DSCAM: variants seen among roughly 807,000 people sequenced by gnomAD.
DSCAM encodes the protein cell adhesion molecule DSCAM.
A neutral mutation model predicts 217.7 loss-of-function variants in DSCAM; 47 were observed. The ratio of observed to expected loss-of-function variants is 0.22; its 90% CI spans 0.17 to 0.28. The LOEUF (loss-of-function observed/expected upper bound fraction) is 0.28, where lower values mean the gene tolerates loss of function less well. Ranked by LOEUF, DSCAM falls within the 10% of genes least tolerant of loss-of-function variation. The pLI, the probability that DSCAM is intolerant of heterozygous loss-of-function variation, is 1.00. For synonymous variants in DSCAM, 1,056 were observed against 1,015.3 expected (o/e 1.04, Z -0.76); for missense variants, 2,080 against 2,618.3 (o/e 0.79, Z 4.49).
intron 29 of DSCAM, 121 bp from the exon 30 acceptor site, chr21:40,052,228 T>C (rs2088945065): frequency 9.3e-7 from 1 of 1,072,240 alleles, no homozygotes; most frequent in Non-Finnish European, 1.3e-6. Context: ...AATAGCCCCA[T>C]CTAAAGTGAC....
In DSCAM at chr21:40,011,039, A is replaced by G. The variant is rs900136358; in HGVS notation, c.*1995T>C. On this transcript the variant is annotated 3_prime_UTR_variant, in exon 33 of 33. Coordinates refer to ENST00000400454, the MANE Select transcript of DSCAM (RefSeq NM_001389.5). ...TTATTTTTGTACAGGTTGAGAGAAA[A>G]ATGTTAAAAAGGTAAACTTCTATGT... The G allele has an allele frequency of 1.3e-5, 2 of 152,304 alleles. No individual in the cohort carries two copies. Among genetic ancestry groups the G allele is most frequent in the Non-Finnish European group, 2.9e-5 (2 of 68,024 alleles). The allele number at this position is 152,304 out of a possible 1,614,324, so 9.4% of individuals were successfully genotyped here.
intron 32 of DSCAM, among the ~76,000 whole-genome samples, chr21:40,018,614 C>T (rs776741211): frequency 3.3e-5 from 5 of 152,146 alleles, no homozygotes; most frequent in Admixed American, 6.5e-5. Context: ...ATTGTGGTCC[C>T]GGCTGGACTG....
At position 40,085,694 on chromosome 21, in the gene DSCAM, C is replaced by T. The variant is rs775207017; in HGVS notation, c.4040G>A (p.Arg1347His). The T allele has an allele frequency of 1.8e-5, 29 of 1,590,082 alleles. No homozygotes were observed. The highest frequency in any genetic ancestry group is 4.0e-5 in the African/African-American group (3 of 74,648). The change falls in exon 23 of 33, where the codon CGC (arginine) becomes CAC (histidine). Residue 1347 changes from arginine to histidine, a missense_variant. Around this residue, in one of 5 missense-constraint regions of DSCAM, gnomAD observed 1,144 missense variants for 1,421.1 expected, o/e 0.81. Transcript: ENST00000400454. Reference sequence around the variant, plus strand: ...GCCGGAGTCTTCTGCTTTCACCGTGCGAATAATGAAGCTTCCGTTGCTAAA... The same window carrying T: ...GCCGGAGTCTTCTGCTTTCACCGTGTGAATAATGAAGCTTCCGTTGCTAAA... ...SIFSNGSFII[R>H]TVKAEDSGYY...
chr21:40,667,864 A>C (rs1009131649), intron 3 of DSCAM, among the ~76,000 whole-genome samples: 1 of 152,186 alleles, frequency 6.6e-6, no homozygotes, highest in African/African-American at 2.4e-5. Context: ...ACCCAGTCTC[A>C]GGCATTTCTT....
intron 28 of DSCAM, among the ~76,000 whole-genome samples, chr21:40,056,438 A>G (rs908634703): frequency 6.6e-6 from 1 of 150,870 alleles, no homozygotes; most frequent in African/African-American, 2.5e-5. Flanking sequence ...TAATCTCAAA[A>G]TTTGTGTATC....
At chr21:40,089,967 C>A (rs1408892888) in intron 21 of DSCAM, among the ~76,000 whole-genome samples, 3 of 152,202 alleles carry the variant, frequency 2.0e-5, no homozygotes, top group African/African-American at 7.2e-5. Flanking sequence ...GCTGGTCTTA[C>A]TGTTTCTTTA....
At chr21:40,156,493 G>A (rs910346529) in intron 16 of DSCAM, among the ~76,000 whole-genome samples, 2 of 152,106 alleles carry the variant, frequency 1.3e-5, no homozygotes, top group Non-Finnish European at 2.9e-5. Flanking sequence ...TTTTATAACT[G>A]GAAGGAATTC....
intron 14 of DSCAM, among the ~76,000 whole-genome samples, chr21:40,186,018 C>G (rs896524229): frequency 1.3e-5 from 2 of 152,230 alleles, no homozygotes; most frequent in Non-Finnish European, 2.9e-5. Flanking sequence ...GCCATTCCAT[C>G]TTTCCTCATG....
Position 40,038,982 on chromosome 21 carries a change from A to T in DSCAM, c.5686+3389T>A, listed in dbSNP as rs1384360274. Among the ~76,000 whole-genome samples, 7 of 135,046 alleles carry T rather than the reference A, an allele frequency of 5.2e-5. No homozygotes were observed. The Admixed American group carries it at 6.0e-4, about 12-fold the overall frequency. 88.6% of individuals were successfully genotyped at this position (135,046 alleles called of 152,430 possible). On this transcript the variant is annotated intron_variant, in intron 32 of 32. Transcript: ENST00000400454. ...AATTGAACAATGAGATCACATGGAC[A>T]CAGGAAGGGGAACATCACACTCTGG... is the stretch of plus-strand genomic sequence containing the variant.
chr21:40,754,379 A>C (rs1351165284), intron 1 of DSCAM, among the ~76,000 whole-genome samples: 1 of 152,196 alleles, frequency 6.6e-6, no homozygotes, highest in Non-Finnish European at 1.5e-5. Flanking sequence ...TTCAAGCAAA[A>C]GTAGTTTATG....
intron 1 of DSCAM, among the ~76,000 whole-genome samples, chr21:40,806,054 G>A (rs1011108839): frequency 2.6e-5 from 4 of 152,070 alleles, no homozygotes; most frequent in Admixed American, 2.0e-4. Context: ...TTTCCTGCTG[G>A]GGATTTACTG....
chr21:40,846,637 A>G lies in DSCAM; in HGVS notation c.25T>C (p.Phe9Leu), dbSNP rs778727832. The G allele has an allele frequency of 1.4e-4, 182 of 1,304,180 alleles. No individual in the cohort carries two copies. Among genetic ancestry groups the G allele is most frequent in the Non-Finnish European group, 1.7e-4 (178 of 1,018,138 alleles). The allele number at this position is 1,304,180 out of a possible 1,614,324, so 80.8% of individuals were successfully genotyped here. Residue 9 changes from phenylalanine (F) to leucine (L), a missense_variant, in exon 1 of 33, where the codon TTC becomes CTC. Physicochemically the swap from Phe to Leu is conservative, Grantham distance 22. Transcript: ENST00000400454. MWILALSLFQSFANVFSED... is the reference protein window; with the variant it reads MWILALSLLQSFANVFSED... ...GGCTCACCATTCGCGAAGCTCTGGAACAAGGAGAGAGCCAGTATCCACATG... is the reference window on the plus strand; with the variant it reads ...GGCTCACCATTCGCGAAGCTCTGGAGCAAGGAGAGAGCCAGTATCCACATG...
At chr21:40,178,569 G>T (rs2146800793) in intron 15 of DSCAM, among the ~76,000 whole-genome samples, 1 of 152,238 alleles carries the variant, frequency 6.6e-6, no homozygotes, top group East Asian at 1.9e-4. Flanking sequence ...ACTTCACAGG[G>T]TCTCAGGAAA....
chr21:40,694,274 T>C (rs1047165135), intron 2 of DSCAM, among the ~76,000 whole-genome samples: 1 of 152,224 alleles, frequency 6.6e-6, no homozygotes, highest in African/African-American at 2.4e-5. Flanking sequence ...TATGATTTTC[T>C]AAGATACCCA....
intron 20 of DSCAM, among the ~76,000 whole-genome samples, chr21:40,100,640 T>C (rs1452265816): frequency 6.6e-6 from 1 of 151,870 alleles, no homozygotes; most frequent in Non-Finnish European, 1.5e-5. Context: ...TGAATCTTTT[T>C]TTTTTTTTTT....
At chr21:40,402,049 C>CTTTTTTT (rs71186933) in intron 3 of DSCAM, among the ~76,000 whole-genome samples, 9 of 58,258 alleles carry the variant, frequency 1.5e-4, no homozygotes, top group Non-Finnish European at 2.0e-4. Flanking sequence ...ATTCTTATTC[C>CTTTTTTT]TTTTTTTTTT....
At chr21:40,343,355 T>C (rs1212025787) in intron 6 of DSCAM, among the ~76,000 whole-genome samples, 3 of 152,292 alleles carry the variant, frequency 2.0e-5, no homozygotes, top group Middle Eastern at 6.8e-3. Flanking sequence ...GCATCCTTGA[T>C]TTGGTCTCAA....
chr21:40,051,901 T>C (rs1049245510), intron 30 of DSCAM, 57 bp downstream of exon 30: 32 of 1,549,226 alleles, frequency 2.1e-5, no homozygotes, highest in Non-Finnish European at 2.4e-5. Flanking sequence ...GAAAGAACAT[T>C]ACTATGTTTT....
intron 3 of DSCAM, among the ~76,000 whole-genome samples, chr21:40,528,215 C>G (rs924399723): frequency 2.6e-5 from 4 of 152,148 alleles, no homozygotes; most frequent in Non-Finnish European, 4.4e-5. Flanking sequence ...ATTCAAGAAT[C>G]TACTATGTGT....
Sources: gnomAD v4.1 joint callset for allele counts (sites outside exome capture counted in the v4.1 genomes callset) on GRCh38, gnomAD v4.1.1 for gene constraint, gnomAD v4.1.1 regional missense constraint, MANE v1.5 for transcripts, NCBI Gene and HGNC (gene_info 2026-07-23, HGNC 2026-07-21) for gene names.